ITGA9: variants seen among roughly 807,000 people sequenced by gnomAD.
ITGA9 encodes integrin alpha-9.
Under a neutral mutation model 127.8 loss-of-function variants are expected in ITGA9, and 56 were observed. That is an observed-to-expected ratio of 0.44 (90% CI 0.35 to 0.55). The LOEUF is 0.55. Among genes scored for constraint, ITGA9 ranks in the 20% least tolerant of loss-of-function variants. ITGA9 has a pLI of 0.00. For missense variants in ITGA9, 1,196 were observed against 1,347.1 expected, an observed-to-expected ratio of 0.89 and a Z score of 1.76; for synonymous variants, 508 against 514.5, an observed-to-expected ratio of 0.99 and a Z score of 0.17.
At chr3:37,748,763 A>C (rs1047010543) in intron 22 of ITGA9, 1 of 643,128 alleles carries the variant, frequency 1.6e-6, no homozygotes, top group Non-Finnish European at 2.8e-6. Context: ...AAAAAAAAAA[A>C]AAAAGAAGGA....
At chr3:37,599,847 C>T (rs4678973) in intron 15 of ITGA9, among the ~76,000 whole-genome samples, 79,882 of 152,068 alleles carry the variant, frequency 0.53, 21,517 homozygotes, top group East Asian at 0.6. Context: ...ACTGATTGTG[C>T]ATTCTAATTA....
chr3:37,642,118 T>A (rs773491564), intron 16 of ITGA9, among the ~76,000 whole-genome samples: 64 of 151,126 alleles, frequency 4.2e-4, no homozygotes, highest in African/African-American at 5.1e-4. Context: ...AAAAAAAAAA[T>A]TTTTTTTTCT....
chr3:37,614,267 A>T (rs947414431), intron 15 of ITGA9, among the ~76,000 whole-genome samples: 1 of 152,062 alleles, frequency 6.6e-6, no homozygotes. Context: ...CAAAGATCAG[A>T]TAGTTGTAGA....
chr3:37,587,595 C>T (rs1041463369), intron 15 of ITGA9, among the ~76,000 whole-genome samples: 2 of 152,138 alleles, frequency 1.3e-5, no homozygotes, highest in African/African-American at 2.4e-5. Flanking sequence ...ATCCATTCAC[C>T]CATCCATTTC....
At chr3:37,630,886 GC>G (rs1385122785) in intron 16 of ITGA9, among the ~76,000 whole-genome samples, 1 of 152,158 alleles carries the variant, frequency 6.6e-6, no homozygotes, top group East Asian at 1.9e-4. Flanking sequence ...AGATGGGCTG[GC>G]CTTACTCTGA....
intron 16 of ITGA9, among the ~76,000 whole-genome samples, chr3:37,641,098 C>T (rs777728756): frequency 1.6e-4 from 25 of 152,108 alleles, no homozygotes; most frequent in Admixed American, 3.9e-4. Flanking sequence ...CCCGGTGGGA[C>T]GCAATGGCAC....
chr3:37,614,657 G>C (rs1700057036), intron 15 of ITGA9, among the ~76,000 whole-genome samples: 1 of 152,112 alleles, frequency 6.6e-6, no homozygotes, highest in South Asian at 2.1e-4. Flanking sequence ...GTGGTTTGTA[G>C]TTCTCCTTGA....
At chr3:37,494,044 T>G (rs1359073567) in intron 4 of ITGA9, among the ~76,000 whole-genome samples, 1 of 152,150 alleles carries the variant, frequency 6.6e-6, no homozygotes, top group Non-Finnish European at 1.5e-5. Flanking sequence ...GGCTTGTTTC[T>G]TTTTGGATGG....
At chr3:37,528,172 TC>T (rs1559528730) in intron 13 of ITGA9, among the ~76,000 whole-genome samples, 1 of 152,348 alleles carries the variant, frequency 6.6e-6, no homozygotes, top group East Asian at 1.9e-4. Context: ...TTTTTAATCT[TC>T]CTGCTGTGAG....
intron 17 of ITGA9, among the ~76,000 whole-genome samples, chr3:37,661,741 G>A (rs1700539096): frequency 6.6e-6 from 1 of 152,248 alleles, no homozygotes; most frequent in African/African-American, 2.4e-5. Flanking sequence ...GCAGAAGTGA[G>A]CAGTATGTGA....
chr3:37,642,296 G>A (rs1467442487), intron 16 of ITGA9, among the ~76,000 whole-genome samples: 1 of 152,086 alleles, frequency 6.6e-6, no homozygotes, highest in African/African-American at 2.4e-5. Flanking sequence ...GTGTTATTTC[G>A]TCTACTTGTT....
intron 22 of ITGA9, among the ~76,000 whole-genome samples, chr3:37,747,217 G>A (rs1696511733): frequency 6.6e-6 from 1 of 152,038 alleles, no homozygotes; most frequent in Admixed American, 6.6e-5. Flanking sequence ...TTGTGAACCT[G>A]TCATCATCAT....
intron 9 of ITGA9, 77 bp from the exon 10 acceptor site, chr3:37,517,427 G>A: frequency 2.5e-6 from 3 of 1,187,846 alleles, no homozygotes; most frequent in Non-Finnish European, 3.6e-6. Context: ...TCAAACTCTG[G>A]TTTTTTATTG....
intron 17 of ITGA9, among the ~76,000 whole-genome samples, chr3:37,672,164 GAGA>G (rs1234624220): frequency 2.0e-5 from 3 of 152,208 alleles, no homozygotes; most frequent in African/African-American, 4.8e-5. Flanking sequence ...AGGACTGCTG[GAGA>G]AGAAGCTGAG....
At chr3:37,738,271 G>A (rs1696389600) in intron 20 of ITGA9, among the ~76,000 whole-genome samples, 1 of 152,230 alleles carries the variant, frequency 6.6e-6, no homozygotes, top group South Asian at 2.1e-4. Context: ...CTTCAGTGGG[G>A]AGGTAGCATT....
At chr3:37,680,872 A>G (rs1206848139) in intron 17 of ITGA9, among the ~76,000 whole-genome samples, 1 of 152,236 alleles carries the variant, frequency 6.6e-6, no homozygotes, top group Non-Finnish European at 1.5e-5. Flanking sequence ...AATTGCCACA[A>G]TAGCTTGAGA....
chr3:37,456,258 C>G (rs1698256640), intron 1 of ITGA9, among the ~76,000 whole-genome samples: 1 of 152,136 alleles, frequency 6.6e-6, no homozygotes, highest in Admixed American at 6.5e-5. Flanking sequence ...GCAAGGGACT[C>G]AATTTTCTTT....
intron 4 of ITGA9, among the ~76,000 whole-genome samples, chr3:37,487,629 T>C (rs1698624493): frequency 6.6e-6 from 1 of 152,218 alleles, no homozygotes; most frequent in Admixed American, 6.5e-5. Context: ...AATCACATCA[T>C]TCTCAGATAA....
intron 17 of ITGA9, among the ~76,000 whole-genome samples, chr3:37,665,659 T>C (rs552369934): frequency 1.0e-3 from 155 of 152,184 alleles, no homozygotes; most frequent in Non-Finnish European, 1.7e-3. Context: ...TTCACCATAT[T>C]GGCCAGGCGG....
Sources: allele counts gnomAD v4.1 joint callset (sites outside exome capture counted in the v4.1 genomes callset), GRCh38; gene constraint gnomAD v4.1.1; transcripts MANE v1.5; gene names NCBI Gene and HGNC (gene_info 2026-07-23, HGNC 2026-07-21).